KHDRBS3: variants seen among roughly 807,000 people sequenced by gnomAD.
KHDRBS3 encodes the protein KH RNA binding domain containing, signal transduction associated 3, also known as KH domain-containing, RNA-binding, signal transduction-associated protein 3.
Under a neutral mutation model 45.6 loss-of-function variants are expected in KHDRBS3, and 23 were observed. The observed-to-expected ratio is 0.50, with a 90% CI of 0.36 to 0.72. The LOEUF is 0.72. KHDRBS3 is among the 30% of genes least tolerant of loss of function. KHDRBS3 has a pLI of 0.00. For synonymous variants in KHDRBS3, 162 were observed against 156.5 expected, an observed-to-expected ratio of 1.04 and a Z score of -0.26; for missense variants, 352 against 424.8, an observed-to-expected ratio of 0.83 and a Z score of 1.51.
At position 135,626,086 on chromosome 8, in the gene KHDRBS3, A is replaced by G. The variant is rs142501284; in HGVS notation, c.891-18973A>G. On this transcript the variant is annotated intron_variant, in intron 7 of 8. Coordinates refer to ENST00000355849, the MANE Select transcript of KHDRBS3 (RefSeq NM_006558.3). ...TGTTTGCTGAATAGATTGTATGACAACAAAAATAAGGACTCATTTAAAAAG... is the reference window on the plus strand; with the variant it reads ...TGTTTGCTGAATAGATTGTATGACAGCAAAAATAAGGACTCATTTAAAAAG... The G allele has an allele frequency of 9.2e-5, 48 of 519,810 alleles. No individual in the cohort carries two copies. The East Asian group carries it at 1.3e-3, about 14-fold the overall frequency. The allele number at this position is 519,810 out of a possible 1,614,324, so 32.2% of individuals were successfully genotyped here. A position where few individuals can be genotyped will look rare whatever the true frequency, so the allele number is the denominator to read the frequency against.
At chr8:135,656,277 G>A (rs1162370524) in exon 5 of KHDRBS3, 3 of 152,086 alleles carry the variant, frequency 2.0e-5, no homozygotes, top group African/African-American at 4.8e-5. Context: ...TCACCAACGT[G>A]CCTAGTCAGC....
At chr8:135,571,908 A>AT (rs1827721983) in intron 5 of KHDRBS3, among the ~76,000 whole-genome samples, 1 of 152,176 alleles carries the variant, frequency 6.6e-6, no homozygotes, top group African/African-American at 2.4e-5. Context: ...ATCCTACTTA[A>AT]TTTTTAAAAT....
At chr8:135,610,196 A>T (rs1829653133) in intron 7 of KHDRBS3, among the ~76,000 whole-genome samples, 1 of 151,958 alleles carries the variant, frequency 6.6e-6, no homozygotes, top group South Asian at 2.1e-4. Flanking sequence ...AAACTGATAG[A>T]TCACTAAGGG....
At chr8:135,491,258 T>C (rs543266513) in intron 1 of KHDRBS3, among the ~76,000 whole-genome samples, 7 of 152,304 alleles carry the variant, frequency 4.6e-5, no homozygotes, top group African/African-American at 1.2e-4. Flanking sequence ...AATAGAAAGA[T>C]AGAATATCTT....
At chr8:135,458,123 C>T in intron 1 of KHDRBS3, 169 bp downstream of exon 1, 2 of 1,382,330 alleles carry the variant, frequency 1.4e-6, no homozygotes, top group Non-Finnish European at 1.9e-6. Context: ...CTGTGGGACA[C>T]CTAGGGGAAG....
intron 5 of KHDRBS3, among the ~76,000 whole-genome samples, chr8:135,575,527 G>C (rs1041974850): frequency 1.8e-4 from 27 of 152,234 alleles, no homozygotes; most frequent in African/African-American, 6.5e-4. Context: ...AAAGGGAAAA[G>C]AGAACGCCAA....
chr8:135,522,087 T>C (rs1266297705), intron 2 of KHDRBS3, among the ~76,000 whole-genome samples: 3 of 152,184 alleles, frequency 2.0e-5, no homozygotes, highest in African/African-American at 7.2e-5. Context: ...CTATTTATCC[T>C]GATGCTCTCC....
At chr8:135,528,831 C>T (rs553496583) in intron 2 of KHDRBS3, among the ~76,000 whole-genome samples, 1 of 152,242 alleles carries the variant, frequency 6.6e-6, no homozygotes, top group African/African-American at 2.4e-5. Flanking sequence ...TTACCTTAGC[C>T]CTTTTAAAAG....
rs535191932 is a variant in KHDRBS3, at chr8:135,607,292, T to G, written c.890+255T>G. On this transcript the variant is annotated intron_variant, in intron 7 of 8. Coordinates refer to ENST00000355849, the MANE Select transcript of KHDRBS3 (RefSeq NM_006558.3). ...CTAAAAATTCAACTTAAATGTTCAG[T>G]ATATTTTGAGAAGGAACAATGGCCT... 2.6e-5 allele frequency among the ~76,000 whole-genome samples: 4 copies of G among 152,286 alleles called. No homozygotes were observed. In the East Asian group the frequency reaches 5.8e-4, roughly 22 times the overall value.
At chr8:135,486,438 G>C (rs773521743) in intron 1 of KHDRBS3, among the ~76,000 whole-genome samples, 2 of 152,206 alleles carry the variant, frequency 1.3e-5, no homozygotes, top group Non-Finnish European at 1.5e-5. Context: ...ATAAAGGGGA[G>C]ATGAGGGAAA....
At chr8:135,520,688 A>G (rs1246887682) in intron 1 of KHDRBS3, among the ~76,000 whole-genome samples, 1 of 152,220 alleles carries the variant, frequency 6.6e-6, no homozygotes, top group Non-Finnish European at 1.5e-5. Flanking sequence ...AATCATCATA[A>G]CAAGTAGAGC....
chr8:135,497,694 A>G (rs376554125), intron 1 of KHDRBS3, among the ~76,000 whole-genome samples: 5 of 152,216 alleles, frequency 3.3e-5, no homozygotes, highest in African/African-American at 9.6e-5. Flanking sequence ...TCTTCCATAT[A>G]TCAAGCACTG....
Position 135,457,814 on chromosome 8 carries a change from C to T in KHDRBS3, c.-53C>T. 3 of 1,266,640 alleles carry T rather than the reference C, an allele frequency of 2.4e-6. No homozygotes were observed. The highest frequency in any genetic ancestry group is 2.1e-6 in the Non-Finnish European group (2 of 935,918). The allele number at this position is 1,266,640 out of a possible 1,614,324, so 78.5% of individuals were successfully genotyped here. ...GCGGGCGGGGTCGGGGGTTGCCGGGCGCCGCCCCCCGTGCGCCTGGAGTCC... is the reference window on the plus strand; with the variant it reads ...GCGGGCGGGGTCGGGGGTTGCCGGGTGCCGCCCCCCGTGCGCCTGGAGTCC... On this transcript the variant is annotated 5_prime_UTR_variant, in exon 1 of 9. Coordinates refer to ENST00000355849, the MANE Select transcript of KHDRBS3 (RefSeq NM_006558.3). The surrounding 1 kb of genome is among the most constrained non-coding windows in gnomAD (Gnocchi z 4.4).
chr8:135,645,167 G>C (rs1336389321), intron 8 of KHDRBS3, 50 bp downstream of exon 8: 1 of 1,575,828 alleles, frequency 6.3e-7, no homozygotes, highest in Admixed American at 1.7e-5. Context: ...GATGGCCGTA[G>C]AAAGACCTTA....
At chr8:135,654,840 C>T (rs917764392) in intron 4 of KHDRBS3, among the ~76,000 whole-genome samples, 7 of 152,232 alleles carry the variant, frequency 4.6e-5, no homozygotes, top group African/African-American at 1.2e-4. Flanking sequence ...CTCCCCTGCA[C>T]GGGCTCATTG....
chr8:135,511,695 A>G (rs1376257523), intron 1 of KHDRBS3, among the ~76,000 whole-genome samples: 3 of 152,100 alleles, frequency 2.0e-5, no homozygotes, highest in Non-Finnish European at 2.9e-5. Flanking sequence ...AGCTGGGACT[A>G]CAGGTGCCTG....
intron 6 of KHDRBS3, among the ~76,000 whole-genome samples, chr8:135,591,666 A>G (rs1332904293): frequency 2.0e-5 from 3 of 152,344 alleles, no homozygotes; most frequent in African/African-American, 2.4e-5. Flanking sequence ...AGGAACATCA[A>G]TGAAGGCCTT....
intron 5 of KHDRBS3, among the ~76,000 whole-genome samples, chr8:135,560,955 A>G (rs554165551): frequency 1.7e-4 from 26 of 152,274 alleles, no homozygotes; most frequent in African/African-American, 5.3e-4. Flanking sequence ...CTTCCTCCAT[A>G]TTATTATGGT....
chr8:135,645,253 C>A, intron 8 of KHDRBS3, 136 bp downstream of exon 8: 1 of 757,360 alleles, frequency 1.3e-6, no homozygotes, highest in South Asian at 2.2e-5. Context: ...TTGTGCATGT[C>A]TAGCTATTTT....
Sources: gnomAD v4.1 joint callset for allele counts (sites outside exome capture counted in the v4.1 genomes callset) on GRCh38, gnomAD v4.1.1 for gene constraint, Gnocchi (gnomAD v3.1) non-coding constraint, MANE v1.5 for transcripts, NCBI Gene and HGNC (gene_info 2026-07-23, HGNC 2026-07-21) for gene names.